RIN3: variants seen among roughly 807,000 people sequenced by gnomAD.
RIN3 encodes the protein RAB5 interacting protein 3.
RIN3 carries 54 observed loss-of-function variants against 76.3 expected under a neutral mutation model. The observed-to-expected ratio is 0.71, with a 90% CI of 0.57 to 0.89. RIN3 has a LOEUF of 0.89. RIN3 is among the 40% of genes least tolerant of loss of function. The pLI is 0.00. For synonymous variants in RIN3, 576 were observed against 564.0 expected, an observed-to-expected ratio of 1.02 and a Z score of -0.30; for missense variants, 1,256 against 1,322.1, an observed-to-expected ratio of 0.95 and a Z score of 0.78.
intron 2 of RIN3, among the ~76,000 whole-genome samples, chr14:92,556,287 G>A (rs1306521891): frequency 6.6e-6 from 1 of 152,052 alleles, no homozygotes. Context: ...CTCTGACTTT[G>A]GGGGCTCAGC....
chr14:92,515,404 ACCTAGTGTGAT>A (rs1355625301), intron 1 of RIN3: 1 of 555,176 alleles, frequency 1.8e-6, no homozygotes, highest in Non-Finnish European at 3.2e-6. Context: ...CCCAGAGATG[ACCTAGTGTGAT>A]CCACTTCCTC....
intron 4 of RIN3, among the ~76,000 whole-genome samples, chr14:92,622,319 A>G (rs950384252): frequency 5.3e-5 from 8 of 152,144 alleles, no homozygotes; most frequent in Admixed American, 3.3e-4. Context: ...GGGCACTGGC[A>G]CCACTTTGCA....
Position 92,685,124 on chromosome 14 carries a change from G to GCCCGGGCCT in RIN3, c.2610_2618dup (p.Ala871_Arg873dup). 1 of 1,612,894 alleles carries GCCCGGGCCT rather than the reference G, an allele frequency of 6.2e-7. No individual in the cohort carries two copies. Among genetic ancestry groups the GCCCGGGCCT allele is most frequent in the Non-Finnish European group, 8.5e-7 (1 of 1,179,528 alleles). On this transcript the variant is annotated inframe_insertion, in exon 9 of 10. Coordinates refer to ENST00000216487, the MANE Select transcript of RIN3 (RefSeq NM_024832.5). The surrounding 1 kb of genome is among the most constrained non-coding windows in gnomAD (Gnocchi z 4.7). ...GGAGCGCCGGCGTACTCTCAACAAG[G>GCCCGGGCCT]CCCGGGCCTCCCGCTCCTCCGTACA...
intron 8 of RIN3, among the ~76,000 whole-genome samples, chr14:92,682,191 CT>C (rs1330421221): frequency 6.6e-6 from 1 of 152,080 alleles, no homozygotes; most frequent in African/African-American, 2.4e-5. Context: ...CCAGCCATCT[CT>C]TTTCTATACT....
chr14:92,604,409 T>C (rs1885452893), intron 3 of RIN3, among the ~76,000 whole-genome samples: 1 of 152,208 alleles, frequency 6.6e-6, no homozygotes, highest in Non-Finnish European at 1.5e-5. Context: ...ATCTGGGTAA[T>C]AGGTGGATTT....
At chr14:92,577,841 G>T (rs1350414320) in intron 3 of RIN3, among the ~76,000 whole-genome samples, 1 of 152,218 alleles carries the variant, frequency 6.6e-6, no homozygotes, top group African/African-American at 2.4e-5. Context: ...ATCCATGATT[G>T]CAGACAAGTC....
At chr14:92,673,495 G>T (rs1386199896) in intron 7 of RIN3, among the ~76,000 whole-genome samples, 1 of 149,466 alleles carries the variant, frequency 6.7e-6, no homozygotes, top group Non-Finnish European at 1.5e-5. Flanking sequence ...AAGCCATGAT[G>T]AACAAAATAT....
intron 4 of RIN3, among the ~76,000 whole-genome samples, chr14:92,627,977 CA>C (rs1886418721): frequency 6.6e-6 from 1 of 152,220 alleles, no homozygotes; most frequent in African/African-American, 2.4e-5. Context: ...ATCCCTGAAG[CA>C]GACCCTGTTC....
Position 92,652,991 on chromosome 14 carries a change from A to C in RIN3, c.1942A>C (p.Met648Leu). Residue 648 changes from methionine to leucine, a missense_variant, in exon 6 of 10, where the codon ATG becomes CTG. By Grantham distance (15) the Met-to-Leu change is conservative. Transcript: ENST00000216487. The surrounding 1 kb of genome is among the most constrained non-coding windows in gnomAD (Gnocchi z 6.4). ...GATGCTGCAGGAGATTCGCACCATG[A>C]TGACCCAGCTCAAGAGCTACCTGCT... ...TEMLQEIRTMMTQLKSYLLQS... is the reference protein window; with the variant it reads ...TEMLQEIRTMLTQLKSYLLQS... The C allele has an allele frequency of 1.2e-6, 2 of 1,613,250 alleles. No homozygotes were observed. The highest frequency in any genetic ancestry group is 2.2e-5 in the South Asian group (2 of 91,088).
intron 2 of RIN3, among the ~76,000 whole-genome samples, chr14:92,573,495 G>A (rs1322230492): frequency 0.036 from 3 of 84 alleles, no homozygotes; most frequent in Non-Finnish European, 0.047. Context: ...GTCACACGGG[G>A]GGCCGAAGTT....
chr14:92,531,857 G>A (rs112310667), intron 1 of RIN3, among the ~76,000 whole-genome samples: 23,567 of 149,180 alleles, frequency 0.16, 2,066 homozygotes, highest in South Asian at 0.22. Flanking sequence ...CACAACTCTC[G>A]CCCCCCTAGT....
chr14:92,619,163 C>T (rs1385326880), intron 4 of RIN3, among the ~76,000 whole-genome samples: 1 of 152,108 alleles, frequency 6.6e-6, no homozygotes, highest in Non-Finnish European at 1.5e-5. Context: ...TTGGCAATCT[C>T]ATGTACCTAA....
In RIN3 at chr14:92,656,399, G is replaced by A. The variant is rs1047134213; in HGVS notation, c.2027-2762G>A. Among the ~76,000 whole-genome samples the A allele has an allele frequency of 6.6e-6, 1 of 152,152 alleles. No individual in the cohort carries two copies. The highest frequency in any genetic ancestry group is 1.9e-4 in the East Asian group (1 of 5,172). ...CAGAGGAGAGGGGACAAGACAGGGGGACGGCTCAGGAGGCTGCGGCGGGGC... is the reference window on the plus strand; with the variant it reads ...CAGAGGAGAGGGGACAAGACAGGGGAACGGCTCAGGAGGCTGCGGCGGGGC... On this transcript the variant is annotated intron_variant, in intron 6 of 9. Transcript: ENST00000216487. This position sits in a 1 kb window ranked among gnomAD's most constrained non-coding sequence, Gnocchi z 5.2.
intron 1 of RIN3, among the ~76,000 whole-genome samples, chr14:92,521,756 T>A (rs1313414014): frequency 6.6e-6 from 1 of 152,172 alleles, no homozygotes; most frequent in Non-Finnish European, 1.5e-5. Context: ...TCCTTTATAG[T>A]GAGGCAAAAT....
At chr14:92,604,390 C>A (rs896370799) in intron 3 of RIN3, among the ~76,000 whole-genome samples, 1 of 152,246 alleles carries the variant, frequency 6.6e-6, no homozygotes, top group East Asian at 1.9e-4. Context: ...GGATTGAATT[C>A]TCTCACCCAT....
chr14:92,515,627 C>G, intron 1 of RIN3: 2 of 245,492 alleles, frequency 8.1e-6, no homozygotes, highest in Non-Finnish European at 1.6e-5. Flanking sequence ...TATGATCCCT[C>G]CATTTGCCAA....
rs145818949 is a variant in RIN3 at position 92,625,944 on chromosome 14, A to G, written c.440+10465A>G. ...TTCTAGTTTCTGCAACTTCTTTGCT[A>G]TATCTGGCCAGCTATTTGTGACAAA... On this transcript the variant is annotated intron_variant, in intron 4 of 9. Transcript: ENST00000216487. Among the ~76,000 whole-genome samples, 598 of 152,142 alleles carry G rather than the reference A, an allele frequency of 3.9e-3. 2 individuals are homozygous for G. Among genetic ancestry groups the G allele is most frequent in the Middle Eastern group, 0.01 (3 of 294 alleles).
At chr14:92,677,698 A>G (rs1032772065) in intron 8 of RIN3, among the ~76,000 whole-genome samples, 11 of 152,054 alleles carry the variant, frequency 7.2e-5, no homozygotes, top group African/African-American at 2.7e-4. Flanking sequence ...AGAGAAGCCA[A>G]GGTTTCTTCA....
chr14:92,583,287 A>G (rs182348044), intron 3 of RIN3, among the ~76,000 whole-genome samples: 3 of 152,218 alleles, frequency 2.0e-5, no homozygotes, highest in East Asian at 3.9e-4. Context: ...TTGATCTGTG[A>G]CTCTGCTCTG....
Sources: allele counts gnomAD v4.1 joint callset (sites outside exome capture counted in the v4.1 genomes callset), GRCh38; gene constraint gnomAD v4.1.1; non-coding constraint Gnocchi (gnomAD v3.1); transcripts MANE v1.5; gene names NCBI Gene and HGNC (gene_info 2026-07-23, HGNC 2026-07-21).